The following FGF14 variants were observed in gnomAD, a reference collection of about 807,000 sequenced individuals.
The protein encoded by FGF14 is fibroblast growth factor 14, also known as fibroblast growth factor homologous factor 4.
In FGF14, 5 loss-of-function variants were observed where a neutral mutation model predicts 25.5. The ratio of observed to expected loss-of-function variants is 0.20; its 90% CI spans 0.10 to 0.41. The LOEUF is 0.41. Ranked by LOEUF, FGF14 falls within the 10% of genes least tolerant of loss-of-function variation. The probability of loss-of-function intolerance (pLI) is 1.00; values close to 1 mark genes in which losing one functional copy is unlikely to be tolerated. For missense variants in FGF14, 222 were observed against 320.1 expected, an observed-to-expected ratio of 0.69 and a Z score of 2.34; for synonymous variants, 138 against 118.3, an observed-to-expected ratio of 1.17 and a Z score of -1.08.
At chr13:102,092,530 T>A (rs1422364204) in intron 1 of FGF14, among the ~76,000 whole-genome samples, 2 of 152,186 alleles carry the variant, frequency 1.3e-5, no homozygotes, top group Non-Finnish European at 2.9e-5. Flanking sequence ...TCCTCATGCT[T>A]CTTTCCACTT....
chr13:102,177,232 A>T (rs1377741844), intron 1 of FGF14, among the ~76,000 whole-genome samples: 2 of 152,162 alleles, frequency 1.3e-5, no homozygotes, highest in African/African-American at 4.8e-5. Context: ...TTTCTAGAAA[A>T]CTGATTTTTC....
At chr13:102,069,477 C>A (rs1385823309) in intron 1 of FGF14, among the ~76,000 whole-genome samples, 1 of 152,174 alleles carries the variant, frequency 6.6e-6, no homozygotes, top group African/African-American at 2.4e-5. Flanking sequence ...TCGCTCTTTG[C>A]AATAAATCTT....
At chr13:102,282,912 TAA>T (rs2053917581) in intron 1 of FGF14, among the ~76,000 whole-genome samples, 1 of 152,042 alleles carries the variant, frequency 6.6e-6, no homozygotes, top group African/African-American at 2.4e-5. Context: ...AACCTTTTAT[TAA>T]GTTATGTTTA....
chr13:101,892,666 T>C lies in FGF14; in HGVS notation c.194-17370A>G, dbSNP rs559912683. On this transcript the variant is annotated intron_variant, in intron 1 of 4. Coordinates refer to ENST00000376143, the MANE Select transcript of FGF14 (RefSeq NM_004115.4). ...AGGAACAAAATCTAACATTTGACAG[T>C]AGGCTGGTCTCCCCATAGTGTGCTG... 1.4e-4 allele frequency among the ~76,000 whole-genome samples: 22 copies of C among 152,300 alleles called. 1 individual carries two copies. Among genetic ancestry groups the C allele is most frequent in the South Asian group, 1.2e-3 (6 of 4,824 alleles).
At chr13:102,269,250 T>A (rs561602091) in intron 1 of FGF14, among the ~76,000 whole-genome samples, 4 of 152,320 alleles carry the variant, frequency 2.6e-5, no homozygotes, top group Admixed American at 6.5e-5. Flanking sequence ...ATATCACAAA[T>A]TTCACAATCA....
chr13:101,953,558 ATGTG>A (rs369170619), intron 1 of FGF14, among the ~76,000 whole-genome samples: 9 of 148,266 alleles, frequency 6.1e-5, no homozygotes, highest in African/African-American at 2.2e-4. Context: ...GTATATATAT[ATGTG>A]TGTGTGTGTA....
chr13:102,089,274 T>C (rs920944209), intron 1 of FGF14, among the ~76,000 whole-genome samples: 1 of 152,176 alleles, frequency 6.6e-6, no homozygotes, highest in Non-Finnish European at 1.5e-5. Context: ...TTAGCTCCTA[T>C]GTAAAAAGGG....
chr13:102,061,157 A>G (rs934854437), intron 1 of FGF14, among the ~76,000 whole-genome samples: 1 of 152,348 alleles, frequency 6.6e-6, no homozygotes, highest in African/African-American at 2.4e-5. Context: ...CCAAGCCCTT[A>G]TGTGACCCGA....
intron 3 of FGF14, among the ~76,000 whole-genome samples, chr13:101,842,141 T>C (rs2146692): frequency 0.21 from 32,561 of 151,872 alleles, 4,280 homozygotes; most frequent in African/African-American, 0.35. Context: ...ATACAGGTAA[T>C]AGAAAAAAAG....
intron 1 of FGF14, among the ~76,000 whole-genome samples, chr13:101,966,570 C>T (rs1291326776): frequency 1.3e-5 from 2 of 152,068 alleles, no homozygotes; most frequent in South Asian, 2.1e-4. Context: ...GCAACCTCCG[C>T]CTCCCAGGTT....
rs142833116 is a variant in FGF14, at chr13:101,721,119, T to A, written c.*1712A>T. 7 of 152,140 alleles carry A rather than the reference T, an allele frequency of 4.6e-5. No homozygotes were observed. Among genetic ancestry groups the A allele is most frequent in the African/African-American group, 1.7e-4 (7 of 41,438 alleles). The allele number at this position is 152,140 out of a possible 1,614,324, so 9.4% of individuals were successfully genotyped here. A position where few individuals can be genotyped will look rare whatever the true frequency, so the allele number is the denominator to read the frequency against. The stretch of plus-strand genomic sequence containing the variant: ...GAGGCCAGTACATTGATCCCACATA[T>A]AATTTTCAATAAATGAGGTTCAGTT... On this transcript the variant is annotated 3_prime_UTR_variant, in exon 5 of 5. Coordinates refer to ENST00000376143, the MANE Select transcript of FGF14 (RefSeq NM_004115.4).
At chr13:101,981,116 C>G (rs1163112070) in intron 1 of FGF14, among the ~76,000 whole-genome samples, 1 of 151,264 alleles carries the variant, frequency 6.6e-6, no homozygotes, top group Non-Finnish European at 1.5e-5. Context: ...CACACACACA[C>G]ACACACACAC....
At chr13:101,808,189 A>T (rs1040103137) in intron 3 of FGF14, among the ~76,000 whole-genome samples, 2 of 152,208 alleles carry the variant, frequency 1.3e-5, no homozygotes, top group African/African-American at 4.8e-5. Context: ...AGTGATTTGC[A>T]GTGTTAATTA....
chr13:102,076,000 T>C (rs1262568052), intron 1 of FGF14, among the ~76,000 whole-genome samples: 3 of 152,178 alleles, frequency 2.0e-5, no homozygotes, highest in South Asian at 4.1e-4. Flanking sequence ...CTAAGTGTTA[T>C]TACAGAAGAG....
intron 1 of FGF14, among the ~76,000 whole-genome samples, chr13:102,024,818 T>C (rs1048410187): frequency 7.2e-5 from 11 of 151,882 alleles, no homozygotes; most frequent in Non-Finnish European, 1.6e-4. Context: ...GTTCAGTTAT[T>C]CCAGCACCAT....
chr13:102,155,220 GCAC>G (rs1451813201), intron 1 of FGF14, among the ~76,000 whole-genome samples: 1 of 152,172 alleles, frequency 6.6e-6, no homozygotes, highest in Non-Finnish European at 1.5e-5. Context: ...ATTCTTTTCA[GCAC>G]CACACTACAC....
chr13:101,886,793 A>G (rs959686509), intron 1 of FGF14, among the ~76,000 whole-genome samples: 3 of 152,186 alleles, frequency 2.0e-5, no homozygotes, highest in African/African-American at 4.8e-5. Context: ...CCAACTATCT[A>G]TCTAACAAGG....
At chr13:102,221,516 C>A (rs567368569) in intron 1 of FGF14, among the ~76,000 whole-genome samples, 1 of 152,198 alleles carries the variant, frequency 6.6e-6, no homozygotes, top group South Asian at 2.1e-4. Flanking sequence ...GGAGAAATTT[C>A]TTTTAAAAGG....
chr13:101,917,105 C>A (rs1398833784), upstream of FGF14, among the ~76,000 whole-genome samples: 1 of 151,562 alleles, frequency 6.6e-6, no homozygotes, highest in Non-Finnish European at 1.5e-5. Flanking sequence ...GGTCTCTGCG[C>A]GTCCGTCGGT....
Sources: gnomAD v4.1 joint callset for allele counts (sites outside exome capture counted in the v4.1 genomes callset) on GRCh38, gnomAD v4.1.1 for gene constraint, MANE v1.5 for transcripts, NCBI Gene and HGNC (gene_info 2026-07-23, HGNC 2026-07-21) for gene names.